Variants in MYLK observed in about 807,000 individuals in gnomAD.
The protein encoded by MYLK is myosin light chain kinase, also known as myosin light chain kinase, smooth muscle.
In MYLK, 106 loss-of-function variants were observed where a neutral mutation model predicts 203.4. The observed-to-expected ratio is 0.52, with a 90% CI of 0.45 to 0.61. The LOEUF is 0.61. MYLK is among the 20% of genes least tolerant of loss of function. The pLI is 0.00. For missense variants in MYLK, 2,072 were observed against 2,442.3 expected (o/e 0.85, Z 3.20); for synonymous variants, 867 against 959.5 (o/e 0.90, Z 1.78).
chr3:123,734,095 G>C lies in MYLK; in HGVS notation c.901C>G (p.Gln301Glu). The C allele has an allele frequency of 6.2e-7, 1 of 1,610,422 alleles. No homozygotes were observed. The highest frequency in any genetic ancestry group is 8.5e-7 in the Non-Finnish European group (1 of 1,178,036). Residue 301 changes from glutamine to glutamate, a missense_variant, in exon 10 of 34, where the codon CAG (glutamine) becomes GAG (glutamate). Gln to Glu is a conservative substitution (Grantham distance 29). Around this residue, in one of 3 missense-constraint regions of MYLK, gnomAD observed 683 missense variants for 643.8 expected, o/e 1.06. Transcript: ENST00000360304. ...GCCCAGGGTGGGGAGCCACCTCTCT[G>C]GGGGCTGGAGCAGTTCTTGCTTTTG... ...AAKSKNCSSP[Q>E]RGGSPPWAAN... is the part of the protein sequence containing the mutation.
In MYLK at chr3:123,851,790, G is replaced by T. The variant is rs1376835683; in HGVS notation, c.-126-20120C>A. Among the ~76,000 whole-genome samples, 11 of 152,036 alleles carry T rather than the reference G, an allele frequency of 7.2e-5. No individual in the cohort carries two copies. In the South Asian group the frequency reaches 1.5e-3, roughly 20 times the overall value. On this transcript the variant is annotated intron_variant, in intron 2 of 33. Coordinates refer to ENST00000360304, the MANE Select transcript of MYLK (RefSeq NM_053025.4). ...GAACTTCCAACACTATCTTGAATAG[G>T]AGTGGTGAGAGAGGGCATCCCTGTC...
At chr3:123,720,576 TCC>T (rs1320760157) in intron 13 of MYLK, among the ~76,000 whole-genome samples, 1 of 152,230 alleles carries the variant, frequency 6.6e-6, no homozygotes, top group Non-Finnish European at 1.5e-5. Context: ...AGTTCAGGTT[TCC>T]TCTGAAATCT....
At chr3:123,795,199 T>C (rs191790126) in intron 3 of MYLK, among the ~76,000 whole-genome samples, 2 of 152,324 alleles carry the variant, frequency 1.3e-5, no homozygotes, top group Admixed American at 1.3e-4. Context: ...ATGTTTTCTA[T>C]TTTTTCCCTA....
rs1245103306 is a variant in MYLK at position 123,856,915 on chromosome 3, TC to T, written c.-127+19643del. Among the ~76,000 whole-genome samples the T allele has an allele frequency of 8.6e-5, 13 of 151,830 alleles. No individual in the cohort carries two copies. The East Asian group carries it at 2.3e-3, about 27-fold the overall frequency. On this transcript the variant is annotated intron_variant, in intron 2 of 33. Transcript: ENST00000360304. Reference sequence around the variant, plus strand: ...CTACTCATCTGACAAAGGGCTAATATCCAGAATCTACAATGAACTCAAACAA... The same window carrying T: ...CTACTCATCTGACAAAGGGCTAATATCAGAATCTACAATGAACTCAAACAA...
rs2108586686 is a variant in MYLK, at chr3:123,701,012, C to T, written c.2463-7G>A. The T allele has an allele frequency of 1.9e-6, 3 of 1,602,034 alleles. No individual in the cohort carries two copies. Among genetic ancestry groups the T allele is most frequent in the Non-Finnish European group, 2.5e-6 (3 of 1,179,836 alleles). On this transcript the variant is annotated splice_region_variant and splice_polypyrimidine_tract_variant and intron_variant, in intron 17 of 33. Transcript: ENST00000360304. ...GCTGGCAGGCTCCCTCCCCCTGCAA[C>T]CAGTGTAGGGAAAAAGGAAAGTAGC... is the stretch of plus-strand genomic sequence containing the variant.
chr3:123,618,583 C>T (rs1456800845), intron 33 of MYLK, 56 bp downstream of exon 33: 1 of 1,610,662 alleles, frequency 6.2e-7, no homozygotes, highest in Non-Finnish European at 8.5e-7. Context: ...ATGGTAGGGA[C>T]TCTACCATCC....
At position 123,612,385 on chromosome 3, in the gene MYLK, A is replaced by C. The variant is rs1409678965; in HGVS notation, c.*1720T>G. On this transcript the variant is annotated 3_prime_UTR_variant, in exon 34 of 34. Transcript: ENST00000360304. ...TGTTCTCATTTACCATTCTGATGGC[A>C]TAATAAACCAAGAGAACATTAACAC... 6.6e-6 allele frequency: 1 copy of C among 152,666 alleles called. No individual in the cohort carries two copies. The highest frequency in any genetic ancestry group is 1.5e-5 in the Non-Finnish European group (1 of 68,036). The allele number at this position is 152,666 out of a possible 1,614,324, so 9.5% of individuals were successfully genotyped here.
At chr3:123,653,985 GTTGTGTGTGT>G (rs1560022617) in intron 24 of MYLK, among the ~76,000 whole-genome samples, 1 of 85,374 alleles carries the variant, frequency 1.2e-5, no homozygotes, top group African/African-American at 3.4e-5. Flanking sequence ...TCAGAGGGAT[GTTGTGTGTGT>G]GTGTGTGTGT....
chr3:123,733,789 T>C lies in MYLK; in HGVS notation c.1207A>G (p.Ile403Val), dbSNP rs756832051. Residue 403 changes from isoleucine to valine, a missense_variant, in exon 10 of 34, where the codon ATC (isoleucine) becomes GTC (valine). Physicochemically the swap from Ile to Val is conservative, Grantham distance 29 (BLOSUM62 3). Coordinates refer to ENST00000360304, the MANE Select transcript of MYLK (RefSeq NM_053025.4). ...GAATCCCTCTGGCCCTCCATGGGGATTCTCCTGTTAGCAGCCTTGCTCACA... is the reference window on the plus strand; with the variant it reads ...GAATCCCTCTGGCCCTCCATGGGGACTCTCCTGTTAGCAGCCTTGCTCACA... ...DVVSKAANRR[I>V]PMEGQRDSAF... The C allele has an allele frequency of 6.2e-7, 1 of 1,614,210 alleles. No individual in the cohort carries two copies. The highest frequency in any genetic ancestry group is 8.5e-7 in the Non-Finnish European group (1 of 1,180,044).
chr3:123,661,367 C>T (rs768478172), intron 23 of MYLK, among the ~76,000 whole-genome samples: 15 of 152,096 alleles, frequency 9.9e-5, no homozygotes, highest in Non-Finnish European at 1.9e-4. Flanking sequence ...GACGGGAGTA[C>T]AGGGCCAAAT....
intron 3 of MYLK, among the ~76,000 whole-genome samples, chr3:123,801,326 G>C (rs1365109457): frequency 6.6e-6 from 1 of 152,204 alleles, no homozygotes; most frequent in Non-Finnish European, 1.5e-5. Flanking sequence ...TACTCTCTCT[G>C]TTACCATCTA....
chr3:123,668,609 A>G (rs1007465931), intron 20 of MYLK, among the ~76,000 whole-genome samples: 1 of 152,154 alleles, frequency 6.6e-6, no homozygotes, highest in Admixed American at 6.5e-5. Context: ...TTAATTTATC[A>G]AGACTCACGG....
intron 30 of MYLK, among the ~76,000 whole-genome samples, chr3:123,628,879 G>T (rs1001580905): frequency 1.3e-5 from 2 of 152,246 alleles, no homozygotes; most frequent in Non-Finnish European, 2.9e-5. Context: ...AACAGAGGAG[G>T]AGCTGGGAGA....
intron 4 of MYLK, among the ~76,000 whole-genome samples, chr3:123,778,687 C>T (rs1305022820): frequency 1.3e-5 from 2 of 152,220 alleles, no homozygotes; most frequent in African/African-American, 4.8e-5. Context: ...CAGCCACTTC[C>T]CATGTGCTCG....
At chr3:123,879,629 G>A (rs971829028) in intron 1 of MYLK, among the ~76,000 whole-genome samples, 1 of 152,008 alleles carries the variant, frequency 6.6e-6, no homozygotes, top group Non-Finnish European at 1.5e-5. Context: ...TTTGTTTTTT[G>A]TTGTTGTTGT....
chr3:123,708,938 TC>T, intron 14 of MYLK, 43 bp from the exon 15 acceptor site: 1 of 1,570,280 alleles, frequency 6.4e-7, no homozygotes, highest in Non-Finnish European at 8.8e-7. Context: ...AGGGAGGTCC[TC>T]CCCGGCCATG....
At chr3:123,664,924 A>C (rs1246502700) in intron 22 of MYLK, among the ~76,000 whole-genome samples, 1 of 152,236 alleles carries the variant, frequency 6.6e-6, no homozygotes, top group Non-Finnish European at 1.5e-5. Context: ...GAATATGCAA[A>C]TCCATAAATA....
At chr3:123,698,062 C>T (rs752874835) in intron 18 of MYLK, among the ~76,000 whole-genome samples, 48 of 152,118 alleles carry the variant, frequency 3.2e-4, no homozygotes, top group African/African-American at 4.8e-4. Flanking sequence ...TGCCTTACAT[C>T]GCTTAGTTGA....
intron 2 of MYLK, among the ~76,000 whole-genome samples, chr3:123,866,193 C>T (rs2032315322): frequency 6.6e-6 from 1 of 152,138 alleles, no homozygotes; most frequent in African/African-American, 2.4e-5. Flanking sequence ...TGTCTTATGC[C>T]ACTGTTTGGG....
Sources: gnomAD v4.1 joint callset for allele counts (sites outside exome capture counted in the v4.1 genomes callset) on GRCh38, gnomAD v4.1.1 for gene constraint, gnomAD v4.1.1 regional missense constraint, MANE v1.5 for transcripts, NCBI Gene and HGNC (gene_info 2026-07-23, HGNC 2026-07-21) for gene names.